SGCD: variants seen among roughly 807,000 people sequenced by gnomAD.
SGCD encodes sarcoglycan delta, also known as delta-sarcoglycan.
SGCD carries 18 observed loss-of-function variants against 36.6 expected under a neutral mutation model. That is an observed-to-expected ratio of 0.49 (90% CI 0.34 to 0.73). The LOEUF is 0.73. Among genes scored for constraint, SGCD ranks in the 30% least tolerant of loss-of-function variants. SGCD has a pLI of 0.01. For missense variants in SGCD, 387 were observed against 346.7 expected (o/e 1.12, Z -0.92); for synonymous variants, 133 against 130.6 (o/e 1.02, Z -0.12).
At chr5:156,595,147 A>G in intron 6 of SGCD, 96 bp downstream of exon 6, 1 of 1,366,316 alleles carries the variant, frequency 7.3e-7, no homozygotes, top group East Asian at 2.5e-5. Context: ...GTCCTCCCAA[A>G]ATTCATATAT....
chr5:156,610,633 C>T (rs1761749257), intron 6 of SGCD, among the ~76,000 whole-genome samples: 4 of 152,244 alleles, frequency 2.6e-5, no homozygotes, highest in Non-Finnish European at 5.9e-5. Context: ...ATGCCCTGCC[C>T]CCGGAGGTGG....
chr5:155,939,994 C>G (rs188519443), intron 1 of SGCD, among the ~76,000 whole-genome samples: 17 of 151,930 alleles, frequency 1.1e-4, no homozygotes, highest in Middle Eastern at 3.4e-3. Context: ...TCATCATGCC[C>G]GGCTAATTTT....
chr5:155,735,643 G>T, the SGCD span, among the ~76,000 whole-genome samples: 2 of 152,192 alleles, frequency 1.3e-5, no homozygotes, highest in Admixed American at 6.5e-5. Flanking sequence ...TGCTTTGAAG[G>T]CAGGCTTGCA....
At chr5:156,197,746 C>A (rs926163575) in intron 3 of SGCD, among the ~76,000 whole-genome samples, 17 of 151,900 alleles carry the variant, frequency 1.1e-4, no homozygotes, top group Admixed American at 1.1e-3. Flanking sequence ...CTCCCAAATT[C>A]TTTCTCTTTG....
At chr5:156,202,262 G>A (rs955971769) in intron 3 of SGCD, among the ~76,000 whole-genome samples, 2 of 152,090 alleles carry the variant, frequency 1.3e-5, no homozygotes, top group East Asian at 1.9e-4. Flanking sequence ...TCAGAATTTA[G>A]CAATGTTCTC....
At chr5:156,685,229 G>T (rs1245080398) in intron 7 of SGCD, among the ~76,000 whole-genome samples, 1 of 152,112 alleles carries the variant, frequency 6.6e-6, no homozygotes, top group Non-Finnish European at 1.5e-5. Context: ...AAGAACTCAA[G>T]TGGGCTACTC....
chr5:156,358,158 A>G (rs1769583938), intron 3 of SGCD, among the ~76,000 whole-genome samples: 1 of 152,252 alleles, frequency 6.6e-6, no homozygotes, highest in Non-Finnish European at 1.5e-5. Flanking sequence ...AGTATTGTCC[A>G]TAAAACCCAA....
chr5:156,313,097 C>T (rs1389287352), intron 3 of SGCD, among the ~76,000 whole-genome samples: 1 of 151,986 alleles, frequency 6.6e-6, no homozygotes, highest in Non-Finnish European at 1.5e-5. Context: ...CTTAAGCATG[C>T]TTTTATTTGC....
At chr5:156,423,733 AT>A (rs1398178252) in intron 3 of SGCD, among the ~76,000 whole-genome samples, 2 of 151,784 alleles carry the variant, frequency 1.3e-5, no homozygotes, top group Non-Finnish European at 2.9e-5. Flanking sequence ...CTTCTAATCA[AT>A]TCCTGGGTTC....
chr5:156,092,904 T>A (rs1214493627), intron 1 of SGCD, among the ~76,000 whole-genome samples: 2 of 152,226 alleles, frequency 1.3e-5, no homozygotes, highest in African/African-American at 2.4e-5. Flanking sequence ...GTACTGCCAT[T>A]TGGTGCTTTG....
intron 1 of SGCD, among the ~76,000 whole-genome samples, chr5:156,092,488 T>C (rs1046353636): frequency 6.6e-5 from 10 of 152,250 alleles, no homozygotes; most frequent in African/African-American, 1.7e-4. Flanking sequence ...GCTTCTCAAG[T>C]TCTTTGCCAA....
intron 3 of SGCD, among the ~76,000 whole-genome samples, chr5:156,391,713 G>C (rs1771579654): frequency 6.6e-6 from 1 of 152,150 alleles, no homozygotes; most frequent in Admixed American, 6.5e-5. Context: ...TATCTGCAGG[G>C]GGTCCTGAAA....
At chr5:156,371,010 T>A (rs1770360426) in intron 3 of SGCD, among the ~76,000 whole-genome samples, 1 of 152,186 alleles carries the variant, frequency 6.6e-6, no homozygotes, top group Admixed American at 6.5e-5. Context: ...TTTCTCCCCT[T>A]ATGGCATATA....
At chr5:156,148,856 G>A (rs891062141) in intron 3 of SGCD, among the ~76,000 whole-genome samples, 1 of 152,102 alleles carries the variant, frequency 6.6e-6, no homozygotes, top group African/African-American at 2.4e-5. Context: ...GTTTTCTCTA[G>A]AGCCGTGGAA....
chr5:156,029,137 T>C lies in SGCD; in HGVS notation c.-281-88741T>C, dbSNP rs868306482. ...ACAAACCGGTTCTGCATGAGTAGTG[T>C]CTGATATAATGTTAATCAAGAAAAT... On this transcript the variant is annotated intron_variant, in intron 1 of 9. Coordinates refer to the SGCD transcript ENST00000517913. Among the ~76,000 whole-genome samples, 19 of 152,280 alleles carry C rather than the reference T, an allele frequency of 1.2e-4. No homozygotes were observed. The South Asian group carries it at 3.3e-3, about 27-fold the overall frequency.
intron 7 of SGCD, among the ~76,000 whole-genome samples, chr5:156,694,065 T>A (rs1754214633): frequency 6.6e-6 from 1 of 152,196 alleles, no homozygotes; most frequent in South Asian, 2.1e-4. Flanking sequence ...CCTGGAGACA[T>A]CTGCAATTGC....
At chr5:155,825,919 T>A in the SGCD span, among the ~76,000 whole-genome samples, 1 of 152,092 alleles carries the variant, frequency 6.6e-6, no homozygotes, top group African/African-American at 2.4e-5. Context: ...CAACTAATTT[T>A]TGTATTTTTA....
chr5:156,755,842 G>T (rs114229311), intron 7 of SGCD, among the ~76,000 whole-genome samples: 15 of 152,282 alleles, frequency 9.9e-5, no homozygotes, highest in South Asian at 2.1e-4. Context: ...GTCATTGTAG[G>T]GGGGGACAAT....
At chr5:156,567,501 T>TA (rs1225852974) in intron 4 of SGCD, among the ~76,000 whole-genome samples, 4 of 152,138 alleles carry the variant, frequency 2.6e-5, no homozygotes, top group Non-Finnish European at 5.9e-5. Flanking sequence ...CTGGAGGCCT[T>TA]AGGAAGAGCC....
Sources: allele counts gnomAD v4.1 joint callset (sites outside exome capture counted in the v4.1 genomes callset), GRCh38; gene constraint gnomAD v4.1.1; transcripts MANE v1.5; gene names NCBI Gene and HGNC (gene_info 2026-07-23, HGNC 2026-07-21).